The following CDK8 variants were observed in gnomAD, a reference collection of about 807,000 sequenced individuals.
CDK8 encodes cyclin dependent kinase 8.
A neutral mutation model predicts 71.5 loss-of-function variants in CDK8; 29 were observed. The observed-to-expected ratio is 0.41, with a 90% CI of 0.30 to 0.55. The LOEUF (loss-of-function observed/expected upper bound fraction) is 0.55, where lower values mean the gene tolerates loss of function less well. Among genes scored for constraint, CDK8 ranks in the 20% least tolerant of loss-of-function variants. CDK8 has a pLI of 0.37. For synonymous variants in CDK8, 161 were observed against 192.1 expected, an observed-to-expected ratio of 0.84 and a Z score of 1.34; for missense variants, 288 against 572.6, an observed-to-expected ratio of 0.50 and a Z score of 5.07.
At chr13:26,277,820 T>A (rs976466524) in intron 1 of CDK8, among the ~76,000 whole-genome samples, 5 of 152,210 alleles carry the variant, frequency 3.3e-5, no homozygotes, top group African/African-American at 9.6e-5. Context: ...TCGTATTTAG[T>A]TACTAAATGG....
intron 1 of CDK8, among the ~76,000 whole-genome samples, chr13:26,318,159 A>G (rs573349075): frequency 6.6e-6 from 1 of 152,262 alleles, no homozygotes; most frequent in East Asian, 1.9e-4. Flanking sequence ...TACTATGAAC[A>G]TAGTTGTATG....
chr13:26,262,324 A>G (rs1449434539), intron 1 of CDK8, among the ~76,000 whole-genome samples: 1 of 152,184 alleles, frequency 6.6e-6, no homozygotes, highest in Non-Finnish European at 1.5e-5. Context: ...CTTTAGGGCA[A>G]TGATTGTGTT....
At chr13:26,372,757 C>G (rs527837421) in intron 4 of CDK8, among the ~76,000 whole-genome samples, 1 of 152,270 alleles carries the variant, frequency 6.6e-6, no homozygotes, top group Non-Finnish European at 1.5e-5. Context: ...CCTTTCTGGC[C>G]TTAGTCATCT....
intron 4 of CDK8, among the ~76,000 whole-genome samples, chr13:26,357,747 C>T (rs1254890094): frequency 1.3e-5 from 2 of 152,096 alleles, no homozygotes; most frequent in African/African-American, 4.8e-5. Context: ...GGCTGGAGAC[C>T]CAGGAAAAAG....
chr13:26,323,341 GA>G (rs1874877238), intron 1 of CDK8, among the ~76,000 whole-genome samples: 1 of 4,642 alleles, frequency 2.2e-4, no homozygotes, highest in Non-Finnish European at 1.9e-3. Flanking sequence ...GAGAGAGAGG[GA>G]GAGGGAGAGG....
chr13:26,364,203 A>C (rs1874275635), intron 4 of CDK8, among the ~76,000 whole-genome samples: 1 of 152,196 alleles, frequency 6.6e-6, no homozygotes. Flanking sequence ...TATAAGCCAT[A>C]AACGAATCAG....
chr13:26,385,125 T>C, intron 5 of CDK8, 86 bp from the exon 6 acceptor site: 1 of 1,121,138 alleles, frequency 8.9e-7, no homozygotes, highest in Non-Finnish European at 1.3e-6. Flanking sequence ...TTTTTCATCT[T>C]ACTGAATAAG....
intron 1 of CDK8, among the ~76,000 whole-genome samples, chr13:26,320,784 C>T (rs1874736941): frequency 6.6e-6 from 1 of 152,140 alleles, no homozygotes; most frequent in Non-Finnish European, 1.5e-5. Flanking sequence ...TACTCAACAC[C>T]ACTATTAGGA....
chr13:26,396,273 T>C lies in CDK8; in HGVS notation c.791-12T>C. The C allele has an allele frequency of 2.5e-6, 3 of 1,192,902 alleles. No individual in the cohort carries two copies. Among genetic ancestry groups the C allele is most frequent in the Non-Finnish European group, 3.6e-6 (3 of 843,596 alleles). 73.9% of individuals were successfully genotyped at this position (1,192,902 alleles called of 1,614,324 possible). On this transcript the variant is annotated splice_polypyrimidine_tract_variant and intron_variant, in intron 7 of 12. Coordinates refer to ENST00000381527, the MANE Select transcript of CDK8 (RefSeq NM_001260.3). ...CTTAGGCAACATAAAAATTTATCAA[T>C]GTATTTCACAGATAAAGATTGGGAA...
At chr13:26,282,621 G>C (rs898664562) in intron 1 of CDK8, among the ~76,000 whole-genome samples, 1 of 152,126 alleles carries the variant, frequency 6.6e-6, no homozygotes. Context: ...TTCTCAAAGC[G>C]TAAATCTGAT....
chr13:26,390,626 A>T (rs1875703399), intron 6 of CDK8, among the ~76,000 whole-genome samples: 1 of 152,236 alleles, frequency 6.6e-6, no homozygotes, highest in South Asian at 2.1e-4. Context: ...TGAAGTATGG[A>T]CTTTTAAGCT....
intron 2 of CDK8, among the ~76,000 whole-genome samples, chr13:26,344,746 C>CAA (rs1433079262): frequency 1.5e-5 from 2 of 134,874 alleles, no homozygotes; most frequent in African/African-American, 5.4e-5. Context: ...GAGACTGTCT[C>CAA]AAAAAAAAAA....
chr13:26,374,481 A>G (rs1416913471), intron 4 of CDK8, among the ~76,000 whole-genome samples: 2 of 152,212 alleles, frequency 1.3e-5, no homozygotes, highest in Admixed American at 1.3e-4. Flanking sequence ...CACTAAAGAT[A>G]TGATAAATAG....
rs186792897 is a variant in CDK8, at chr13:26,257,137, A to G, written c.128+2368A>G. Among the ~76,000 whole-genome samples the G allele has an allele frequency of 3.3e-5, 5 of 152,336 alleles. No individual in the cohort carries two copies. The East Asian group carries it at 5.8e-4, about 18-fold the overall frequency. On this transcript the variant is annotated intron_variant, in intron 1 of 12. Transcript: ENST00000381527. ...TAGTATTGATTTACTTTCAAATTACATTATATATTCTGCAGCTGAGATTTG... is the reference window on the plus strand; with the variant it reads ...TAGTATTGATTTACTTTCAAATTACGTTATATATTCTGCAGCTGAGATTTG...
At chr13:26,384,152 G>A (rs1341466990) in intron 5 of CDK8, among the ~76,000 whole-genome samples, 2 of 152,060 alleles carry the variant, frequency 1.3e-5, no homozygotes, top group African/African-American at 2.4e-5. Context: ...GGAACGCTAC[G>A]TCTTAAAGCA....
intron 1 of CDK8, among the ~76,000 whole-genome samples, chr13:26,292,639 G>A (rs1192281834): frequency 1.3e-5 from 2 of 152,184 alleles, no homozygotes; most frequent in Admixed American, 6.5e-5. Context: ...GTTGTTATGT[G>A]CTCAGCTCTA....
intron 12 of CDK8, among the ~76,000 whole-genome samples, chr13:26,402,163 A>G (rs1309536698): frequency 1.3e-5 from 2 of 152,152 alleles, no homozygotes; most frequent in Non-Finnish European, 2.9e-5. Context: ...AAATGAGATA[A>G]CTCTGGGAGG....
At chr13:26,310,079 C>T (rs993330870) in intron 1 of CDK8, among the ~76,000 whole-genome samples, 9 of 152,122 alleles carry the variant, frequency 5.9e-5, no homozygotes, top group Non-Finnish European at 8.8e-5. Flanking sequence ...TAATATATAG[C>T]TTAGAGGTAT....
chr13:26,284,329 A>C (rs1245319351), intron 1 of CDK8, among the ~76,000 whole-genome samples: 1 of 149,838 alleles, frequency 6.7e-6, no homozygotes, highest in Non-Finnish European at 1.5e-5. Context: ...AGATAAACAA[A>C]AACAAAAGAT....
Sources: allele counts gnomAD v4.1 joint callset (sites outside exome capture counted in the v4.1 genomes callset), GRCh38; gene constraint gnomAD v4.1.1; transcripts MANE v1.5; gene names NCBI Gene and HGNC (gene_info 2026-07-23, HGNC 2026-07-21).